ANKRD26: variants seen among roughly 807,000 people sequenced by gnomAD.
The protein encoded by ANKRD26 is ankyrin repeat domain-containing protein 26.
A neutral mutation model predicts 208.7 loss-of-function variants in ANKRD26; 141 were observed. The ratio of observed to expected loss-of-function variants is 0.68; its 90% confidence interval spans 0.59 to 0.78. ANKRD26 has a LOEUF of 0.78. ANKRD26 is among the 30% of genes least tolerant of loss of function. The pLI, the probability that ANKRD26 is intolerant of heterozygous loss-of-function variation, is 0.00. For missense variants in ANKRD26, 1,889 were observed against 1,938.7 expected (o/e 0.97, Z 0.48); for synonymous variants, 636 against 660.4 (o/e 0.96, Z 0.57).
At chr10:27,075,897 G>A (rs757011117) in intron 9 of ANKRD26, among the ~76,000 whole-genome samples, 1 of 152,144 alleles carries the variant, frequency 6.6e-6, no homozygotes, top group Non-Finnish European at 1.5e-5. Context: ...ATCATATGAA[G>A]TATCTTCTCA....
chr10:27,100,174 G>C lies in ANKRD26; in HGVS notation c.153C>G (p.His51Gln), dbSNP rs139049098. Residue 51 changes from histidine to glutamine, a missense_variant, in exon 1 of 34, where the codon CAC becomes CAG. His to Gln is a conservative substitution (Grantham distance 24, BLOSUM62 0). Around this residue, in one of 3 missense-constraint regions of ANKRD26, gnomAD observed 1,272 missense variants for 1,273.8 expected, o/e 1.00. Coordinates refer to ENST00000376087, the MANE Select transcript of ANKRD26 (RefSeq NM_014915.3). The part of the protein sequence containing the change: ...HVRDRDLGKI[H>Q]KAASAGNVAK... ...CCACATTACCCGCGCTGGCAGCTTT[G>C]TGGATCTTGCCGAGATCTCGGTCTC... The C allele has an allele frequency of 3.0e-4, 487 of 1,614,112 alleles. No individual in the cohort carries two copies. The highest frequency in any genetic ancestry group is 4.0e-4 in the Admixed American group (24 of 60,030).
chr10:27,038,988 A>C (rs2054138314), intron 21 of ANKRD26, among the ~76,000 whole-genome samples: 2 of 152,206 alleles, frequency 1.3e-5, no homozygotes, highest in South Asian at 4.1e-4. Flanking sequence ...AAACAATTTT[A>C]AAATCTCTTT....
chr10:27,070,278 T>C (rs1471959231), intron 9 of ANKRD26, among the ~76,000 whole-genome samples: 1 of 151,764 alleles, frequency 6.6e-6, no homozygotes, highest in East Asian at 1.9e-4. Flanking sequence ...TACACACTTG[T>C]AGTCCCAGCT....
At chr10:27,041,307 A>C (rs1406905090) in intron 20 of ANKRD26, among the ~76,000 whole-genome samples, 1 of 152,136 alleles carries the variant, frequency 6.6e-6, no homozygotes, top group Non-Finnish European at 1.5e-5. Flanking sequence ...AGTAATAAAC[A>C]GTGCATGTAT....
rs770959569 is a variant in ANKRD26 at position 27,046,399 on chromosome 10, C to T, written c.1939G>A (p.Val647Met). ...TCACTTAAACTGCTGTCATCATCCA[C>T]TTGTAGCAGGCCACCAGTTAGTAAA... The part of the protein sequence containing the change: ...ASLLTGGLLQ[V>M]DDDSSLSEID... The change falls in exon 18 of 34, where the codon GTG becomes ATG. Residue 647 changes from valine to methionine, a missense_variant. Coordinates refer to ENST00000376087, the MANE Select transcript of ANKRD26 (RefSeq NM_014915.3). The T allele has an allele frequency of 1.2e-6, 2 of 1,614,140 alleles. No homozygotes were observed. The highest frequency in any genetic ancestry group is 1.7e-6 in the Non-Finnish European group (2 of 1,180,008).
rs747840899 is a variant in ANKRD26, at chr10:27,092,454, A to C, written c.590T>G (p.Phe197Cys). The C allele has an allele frequency of 1.2e-6, 2 of 1,613,778 alleles. No homozygotes were observed. Among genetic ancestry groups the C allele is most frequent in the South Asian group, 2.2e-5 (2 of 91,062 alleles). The part of the protein sequence containing the change: ...VSGKKQQMVE[F>C]LIKKKANVNA... ...TACATTTGCTTTTTTCTTTATTAAA[A>C]ATTCCACCATTTGCTGCTTTTTTCC... is the stretch of plus-strand genomic sequence containing the variant. Residue 197 changes from phenylalanine (F) to cysteine (C), a missense_variant, in exon 4 of 34, where the codon TTT becomes TGT. Transcript: ENST00000376087.
rs1351048444 is a variant in ANKRD26, at chr10:27,093,474, C to T, written c.406G>A (p.Gly136Ser). Residue 136 changes from glycine to serine, a missense_variant, in exon 3 of 34, where the codon GGT becomes AGT. Around this residue, in one of 3 missense-constraint regions of ANKRD26, gnomAD observed 1,272 missense variants for 1,273.8 expected, o/e 1.00. Transcript: ENST00000376087. Reference protein sequence around the residue: ...EKCATILLEHGADPNLADVHG... With the variant: ...EKCATILLEHSADPNLADVHG... ...ACATCCGCAAGATTTGGATCAGCAC[C>T]ATGTTCTAGCAGAATAGTTGCACAT... 1 of 1,614,032 alleles carries T rather than the reference C, an allele frequency of 6.2e-7. No individual in the cohort carries two copies. Among genetic ancestry groups the T allele is most frequent in the African/African-American group, 1.3e-5 (1 of 74,918 alleles).
At chr10:27,065,459 A>T (rs557528770) in intron 11 of ANKRD26, among the ~76,000 whole-genome samples, 1 of 152,050 alleles carries the variant, frequency 6.6e-6, no homozygotes, top group Non-Finnish European at 1.5e-5. Context: ...TGAAACTTAT[A>T]CCCCAAATTA....
chr10:26,986,019 C>G (rs999996328), intron 3 of ANKRD26, among the ~76,000 whole-genome samples: 1 of 152,178 alleles, frequency 6.6e-6, no homozygotes, highest in Non-Finnish European at 1.5e-5. Context: ...CGCTACCTGA[C>G]TTCAAACTAT....
rs115188217 is a variant in ANKRD26 at position 27,065,387 on chromosome 10, T to C, written c.1269+1100A>G. 3.9e-3 allele frequency among the ~76,000 whole-genome samples: 593 copies of C among 152,272 alleles called. 2 individuals are homozygous for C. Among genetic ancestry groups the C allele is most frequent in the African/African-American group, 0.012 (502 of 41,560 alleles). ...TCAAGTTCAAACATTTAAAATCTCA[T>C]TGGGAAGGTCTCAAGCGTCAATTCA... is the stretch of plus-strand genomic sequence containing the variant. On this transcript the variant is annotated intron_variant, in intron 11 of 33. Coordinates refer to ENST00000376087, the MANE Select transcript of ANKRD26 (RefSeq NM_014915.3).
intron 1 of ANKRD26, among the ~76,000 whole-genome samples, chr10:27,095,178 T>C (rs10764671): frequency 0.23 from 35,611 of 151,734 alleles, 4,819 homozygotes; most frequent in East Asian, 0.55. Context: ...GTAATTCTTA[T>C]TGTGTTTTCA....
In ANKRD26 at chr10:27,093,452, T is replaced by C. The variant is rs369040103; in HGVS notation, c.428A>G (p.Asp143Gly). 5.6e-6 allele frequency: 9 copies of C among 1,614,194 alleles called. No homozygotes were observed. The highest frequency in any genetic ancestry group is 7.6e-6 in the Non-Finnish European group (9 of 1,180,008). Residue 143 changes from aspartate to glycine, a missense_variant, in exon 3 of 34, where the codon GAT becomes GGT. Physicochemically the swap from Asp to Gly is moderately conservative, Grantham distance 94. This residue lies in a region of ANKRD26 where 1,272 missense variants were observed against 1,273.8 expected (regional missense o/e 1.00). Transcript: ENST00000376087. Reference protein sequence around the residue: ...LEHGADPNLADVHGNTALHYA... With the variant: ...LEHGADPNLAGVHGNTALHYA... ...GTGAAGAGCAGTGTTGCCATGGACA[T>C]CCGCAAGATTTGGATCAGCACCATG...
chr10:26,967,399 A>ATTCAC, the ANKRD26 span, among the ~76,000 whole-genome samples: 2,152 of 152,248 alleles, frequency 0.014, 17 homozygotes, highest in Middle Eastern at 0.037. Context: ...ACTGAAATAT[A>ATTCAC]TTCACTTCCC....
chr10:27,009,446 T>C (rs2053012756), intron 32 of ANKRD26, among the ~76,000 whole-genome samples: 1 of 152,210 alleles, frequency 6.6e-6, no homozygotes, highest in African/African-American at 2.4e-5. Context: ...TCACACATTT[T>C]CCTCATATTT....
Position 27,061,238 on chromosome 10 carries a change from C to A in ANKRD26, c.1368G>T (p.Val456=). Residue 456 remains valine (V), a synonymous_variant, in exon 13 of 34, where the codon GTG becomes GTT. Transcript: ENST00000376087. ...KNIGNEQAED[V]FYIPSCMSGS... is the part of the protein sequence containing the mutation. ...CACTCATGCAAGAAGGTATATAAAA[C>A]ACATCTAAGAAATAATACATAATAA... is the stretch of plus-strand genomic sequence containing the variant. 1 of 1,586,056 alleles carries A rather than the reference C, an allele frequency of 6.3e-7. No individual in the cohort carries two copies. The highest frequency in any genetic ancestry group is 1.1e-5 in the South Asian group (1 of 90,338).
At chr10:26,970,570 C>G (rs1253210243), downstream of ANKRD26, among the ~76,000 whole-genome samples, 1 of 152,214 alleles carries the variant, frequency 6.6e-6, no homozygotes, top group South Asian at 2.1e-4. Context: ...TACTATACTT[C>G]CCATACAGCC....
At chr10:27,067,932 G>A (rs1056833907) in intron 9 of ANKRD26, among the ~76,000 whole-genome samples, 7 of 152,132 alleles carry the variant, frequency 4.6e-5, no homozygotes, top group Admixed American at 6.5e-5. Flanking sequence ...CATCAAGTGC[G>A]GGTAGAGATA....
intron 32 of ANKRD26, among the ~76,000 whole-genome samples, chr10:27,010,072 C>T (rs971091698): frequency 4.6e-5 from 7 of 150,938 alleles, no homozygotes; most frequent in African/African-American, 1.7e-4. Flanking sequence ...CCTACCTGTC[C>T]TTTAGCCAGA....
In ANKRD26 at chr10:27,035,803, C is replaced by T. The variant is rs769607166; in HGVS notation, c.2698-51G>A. The T allele has an allele frequency of 2.2e-5, 28 of 1,250,894 alleles. 1 individual carries two copies. The South Asian group carries it at 3.3e-4, about 15-fold the overall frequency. The allele number at this position is 1,250,894 out of a possible 1,614,324, so 77.5% of individuals were successfully genotyped here. On this transcript the variant is annotated intron_variant, in intron 23 of 33. Coordinates refer to ENST00000376087, the MANE Select transcript of ANKRD26 (RefSeq NM_014915.3). ...GCTAGCACCCAAGAAAATGACAGAT[C>T]ATGATTTCCTCTGAAATTAAAGAAT...
Sources: allele counts gnomAD v4.1 joint callset (sites outside exome capture counted in the v4.1 genomes callset), GRCh38; gene constraint gnomAD v4.1.1; regional missense constraint gnomAD v4.1.1; transcripts MANE v1.5; gene names NCBI Gene and HGNC (gene_info 2026-07-23, HGNC 2026-07-21).